PDZD2: variants seen among roughly 807,000 people sequenced by gnomAD.
PDZD2 encodes the protein PDZ domain-containing protein 2.
In PDZD2, 90 loss-of-function variants were observed where a neutral mutation model predicts 220.7. The observed-to-expected ratio is 0.41, with a 90% CI of 0.34 to 0.49. The LOEUF (loss-of-function observed/expected upper bound fraction) is 0.49, where lower values mean the gene tolerates loss of function less well. Among genes scored for constraint, PDZD2 ranks in the 20% least tolerant of loss-of-function variants. PDZD2 has a pLI of 0.28. For synonymous variants in PDZD2, 1,375 were observed against 1,450.5 expected, an observed-to-expected ratio of 0.95 and a Z score of 1.18; for missense variants, 3,174 against 3,608.5, an observed-to-expected ratio of 0.88 and a Z score of 3.08.
intron 2 of PDZD2, among the ~76,000 whole-genome samples, chr5:31,876,077 C>G (rs986165954): frequency 6.6e-6 from 1 of 152,072 alleles, no homozygotes; most frequent in African/African-American, 2.4e-5. Flanking sequence ...GTCTTCTCTT[C>G]TCCATAAATA....
chr5:31,995,790 A>T, intron 4 of PDZD2, 72 bp downstream of exon 4: 2 of 1,374,726 alleles, frequency 1.5e-6, no homozygotes, highest in Non-Finnish European at 2.0e-6. Context: ...CCACTGGTGC[A>T]GGTGCTCTTC....
intron 5 of PDZD2, among the ~76,000 whole-genome samples, chr5:32,006,631 A>C (rs7701052): frequency 0.18 from 26,177 of 148,076 alleles, 7,035 homozygotes; most frequent in African/African-American, 0.58. Context: ...CCTACCTAGG[A>C]CTCCCAAGGT....
At chr5:31,815,245 CAAAAAAAAA>C (rs59040987) in intron 2 of PDZD2, among the ~76,000 whole-genome samples, 1 of 57,916 alleles carries the variant, frequency 1.7e-5, no homozygotes, top group South Asian at 8.6e-4. Flanking sequence ...AACTCTGTCT[CAAAAAAAAA>C]AAAAAAAAAA....
intron 2 of PDZD2, among the ~76,000 whole-genome samples, chr5:31,850,243 T>TATATATATAC (rs577432352): frequency 0.012 from 1,430 of 122,154 alleles, 26 homozygotes; most frequent in African/African-American, 0.028. Flanking sequence ...TATATATATA[T>TATATATATAC]ACACACACAC....
chr5:32,073,718 G>T (rs1037423615), intron 17 of PDZD2, 114 bp from the exon 18 acceptor site: 1 of 731,984 alleles, frequency 1.4e-6, no homozygotes, highest in Non-Finnish European at 2.4e-6. Flanking sequence ...GAGGCTGTGT[G>T]TCTGGTGTTA....
At chr5:31,945,470 A>G (rs954860540) in intron 2 of PDZD2, among the ~76,000 whole-genome samples, 1 of 151,840 alleles carries the variant, frequency 6.6e-6, no homozygotes, top group African/African-American at 2.4e-5. Context: ...CTGGGGAGAG[A>G]GGTGGTTGAC....
chr5:32,059,179 A>C (rs1739433151), intron 12 of PDZD2, 60 bp from the exon 13 acceptor site: 2 of 882,032 alleles, frequency 2.3e-6, no homozygotes, highest in Non-Finnish European at 3.8e-6. Context: ...TCAGTTACAC[A>C]TTTTTTCTAG....
At chr5:31,728,129 C>T (rs562159752) in intron 1 of PDZD2, among the ~76,000 whole-genome samples, 11 of 151,790 alleles carry the variant, frequency 7.2e-5, no homozygotes, top group Non-Finnish European at 1.5e-4. Flanking sequence ...GCATTATTGA[C>T]ATTTTGGGTG....
rs1220550103 is a variant in PDZD2 at position 32,110,344 on chromosome 5, T to TA, written c.*2209_*2210insA. 1 of 152,668 alleles carries TA rather than the reference T, an allele frequency of 6.6e-6. No homozygotes were observed. The highest frequency in any genetic ancestry group is 1.5e-5 in the Non-Finnish European group (1 of 68,054). The allele number at this position is 152,668 out of a possible 1,614,324, so 9.5% of individuals were successfully genotyped here. On this transcript the variant is annotated 3_prime_UTR_variant, in exon 25 of 25. Transcript: ENST00000438447. ...ACACTATGCTAAAGTCATCAGCCAC[T>TA]GCTACTACATCTTGCCAGAAGGTTT...
chr5:32,105,485 T>G (rs1744673798), intron 24 of PDZD2, among the ~76,000 whole-genome samples: 1 of 152,070 alleles, frequency 6.6e-6, no homozygotes, highest in Admixed American at 6.6e-5. Context: ...CTTACGAAAA[T>G]GGAAGCTATG....
In PDZD2 at chr5:31,823,948, A is replaced by G. The variant is rs565769131; in HGVS notation, c.476+24224A>G. 4.6e-5 allele frequency among the ~76,000 whole-genome samples: 7 copies of G among 152,302 alleles called. No homozygotes were observed. In the South Asian group the frequency reaches 1.2e-3, roughly 27 times the overall value. ...ACTAGGATAGTAAATAGGGTAGGAA[A>G]ATAGCTAGGAAGAGAAAGGCTTGTT... On this transcript the variant is annotated intron_variant, in intron 2 of 24. Transcript: ENST00000438447.
chr5:32,082,878 G>A (rs576334305), intron 19 of PDZD2, among the ~76,000 whole-genome samples: 1 of 152,296 alleles, frequency 6.6e-6, no homozygotes, highest in East Asian at 1.9e-4. Flanking sequence ...CTGTTAAATG[G>A]TGGCTCTTGG....
intron 1 of PDZD2, among the ~76,000 whole-genome samples, chr5:31,777,509 G>A (rs1752760430): frequency 6.6e-6 from 1 of 152,258 alleles, no homozygotes; most frequent in Non-Finnish European, 1.5e-5. Context: ...CAGGTGCGTG[G>A]CATGGGACTG....
chr5:31,708,175 A>G (rs982334364), intron 1 of PDZD2, among the ~76,000 whole-genome samples: 6 of 152,092 alleles, frequency 3.9e-5, no homozygotes, highest in South Asian at 4.2e-4. Flanking sequence ...TTTGCAGCCT[A>G]TTTATCTAAG....
intron 6 of PDZD2, among the ~76,000 whole-genome samples, chr5:32,016,388 G>A (rs780033596): frequency 2.0e-5 from 3 of 152,174 alleles, no homozygotes; most frequent in Non-Finnish European, 4.4e-5. Context: ...GGTTGACCTG[G>A]TTTTTTCTGG....
intron 2 of PDZD2, among the ~76,000 whole-genome samples, chr5:31,933,749 C>T (rs892477058): frequency 1.3e-5 from 2 of 152,166 alleles, no homozygotes; most frequent in East Asian, 1.9e-4. Flanking sequence ...TGTTTCCACA[C>T]GAACGCAATG....
Position 31,861,921 on chromosome 5 carries a change from G to A in PDZD2, c.476+62197G>A, listed in dbSNP as rs150009612. Among the ~76,000 whole-genome samples the A allele has an allele frequency of 1.3e-3, 192 of 152,098 alleles. 1 individual carries two copies. The highest frequency in any genetic ancestry group is 3.9e-3 in the African/African-American group (163 of 41,482). ...TAGCAATGATGTACTCTATTTTTAT[G>A]AATGGAAGGCCTTCAAAGCCTGTTC... is the stretch of plus-strand genomic sequence containing the variant. On this transcript the variant is annotated intron_variant, in intron 2 of 24. Coordinates refer to ENST00000438447, the MANE Select transcript of PDZD2 (RefSeq NM_178140.4).
intron 2 of PDZD2, among the ~76,000 whole-genome samples, chr5:31,877,975 C>A (rs1739460999): frequency 6.6e-6 from 1 of 152,184 alleles, no homozygotes; most frequent in African/African-American, 2.4e-5. Flanking sequence ...AGGCGTGAGC[C>A]ACCACGCCTG....
At position 32,110,747 on chromosome 5, in the gene PDZD2, T is replaced by A. The variant is rs937158177; in HGVS notation, c.*2612T>A. On this transcript the variant is annotated 3_prime_UTR_variant, in exon 25 of 25. Transcript: ENST00000438447. ...ACTTAATTGGCACCATAACTTTGTA[T>A]GATATTATACATTAACCTTTATTTA... 1.3e-5 allele frequency: 2 copies of A among 152,660 alleles called. No individual in the cohort carries two copies. Among genetic ancestry groups the A allele is most frequent in the Non-Finnish European group, 2.9e-5 (2 of 68,042 alleles). 9.5% of individuals were successfully genotyped at this position (152,660 alleles called of 1,614,324 possible). A position where few individuals can be genotyped will look rare whatever the true frequency, so the allele number is the denominator to read the frequency against.
Sources: gnomAD v4.1 joint callset for allele counts (sites outside exome capture counted in the v4.1 genomes callset) on GRCh38, gnomAD v4.1.1 for gene constraint, MANE v1.5 for transcripts, NCBI Gene and HGNC (gene_info 2026-07-23, HGNC 2026-07-21) for gene names.